Variants in CUL2 observed in about 807,000 individuals in gnomAD.
CUL2 encodes cullin 2.
Under a neutral mutation model 110.2 loss-of-function variants are expected in CUL2, and 22 were observed. The ratio of observed to expected loss-of-function variants is 0.20; its 90% CI spans 0.14 to 0.28. The LOEUF (loss-of-function observed/expected upper bound fraction) is 0.28, where lower values mean the gene tolerates loss of function less well. CUL2 is among the 10% of genes least tolerant of loss of function. The probability of loss-of-function intolerance (pLI) is 1.00; values close to 1 mark genes in which losing one functional copy is unlikely to be tolerated. For synonymous variants in CUL2, 279 were observed against 293.2 expected (o/e 0.95, Z 0.49); for missense variants, 631 against 905.5 (o/e 0.70, Z 3.89).
At chr10:35,019,926 G>A (rs1433398695) in intron 17 of CUL2, among the ~76,000 whole-genome samples, 1 of 152,182 alleles carries the variant, frequency 6.6e-6, no homozygotes, top group East Asian at 1.9e-4. Context: ...TAAGCTAACT[G>A]AAGAGGGGAA....
chr10:35,056,971 C>T (rs1025970674), intron 4 of CUL2, among the ~76,000 whole-genome samples: 1 of 152,188 alleles, frequency 6.6e-6, no homozygotes, highest in African/African-American at 2.4e-5. Flanking sequence ...CCCTCTGCCC[C>T]GATTATGTGG....
chr10:35,119,727 T>C (rs1167663989), intron 1 of CUL2, among the ~76,000 whole-genome samples: 2 of 151,962 alleles, frequency 1.3e-5, no homozygotes, highest in African/African-American at 2.4e-5. Context: ...TGCTACCACA[T>C]CTGGCTCATT....
In CUL2 at chr10:35,033,139, T is replaced by A. The variant is rs559992086; in HGVS notation, c.1110+27A>T. On this transcript the variant is annotated intron_variant, in intron 11 of 20. Transcript: ENST00000374749. ...AGAATGATAGAGTTTTATGTACATA[T>A]ATAGTATATATGTATTTAAAACTTA... 4.3e-6 allele frequency: 6 copies of A among 1,394,530 alleles called. No individual in the cohort carries two copies. In the East Asian group the frequency reaches 1.2e-4, roughly 27 times the overall value. 86.4% of individuals were successfully genotyped at this position (1,394,530 alleles called of 1,614,324 possible).
At chr10:35,078,295 A>T (rs2086870396) in intron 1 of CUL2, among the ~76,000 whole-genome samples, 3 of 142,222 alleles carry the variant, frequency 2.1e-5, no homozygotes, top group South Asian at 2.2e-4. Flanking sequence ...GATCAGGTGA[A>T]TTTTTTTTTT....
At chr10:35,096,636 G>A (rs1180756777) in intron 2 of CUL2, among the ~76,000 whole-genome samples, 1 of 151,902 alleles carries the variant, frequency 6.6e-6, no homozygotes, top group Non-Finnish European at 1.5e-5. Context: ...AAACAAAACT[G>A]TATAGGTTAA....
chr10:35,028,926 T>A, intron 15 of CUL2, 39 bp from the exon 16 acceptor site: 1 of 1,200,076 alleles, frequency 8.3e-7, no homozygotes, highest in Non-Finnish European at 1.2e-6. Context: ...GCTAAATGGA[T>A]CAACATCTAA....
chr10:35,089,407 C>T (rs1015920682), intron 1 of CUL2, among the ~76,000 whole-genome samples: 2 of 152,180 alleles, frequency 1.3e-5, no homozygotes, highest in Admixed American at 6.5e-5. Flanking sequence ...TACTTTACTA[C>T]GAAGGTAGGC....
At chr10:35,034,486 G>T (rs116493330) in intron 10 of CUL2, among the ~76,000 whole-genome samples, 1 of 152,130 alleles carries the variant, frequency 6.6e-6, no homozygotes, top group African/African-American at 2.4e-5. Context: ...GAACAGTGAC[G>T]TCTATACACA....
chr10:35,117,976 GCCTC>G (rs2087629501), intron 1 of CUL2, among the ~76,000 whole-genome samples: 1 of 152,124 alleles, frequency 6.6e-6, no homozygotes, highest in African/African-American at 2.4e-5. Context: ...TATATGCACA[GCCTC>G]CCTATCAACA....
intron 19 of CUL2, 142 bp downstream of exon 19, chr10:35,013,557 A>G (rs1346651061): frequency 5.4e-6 from 3 of 556,830 alleles, no homozygotes; most frequent in Non-Finnish European, 9.3e-6. Context: ...AGGTTAATAA[A>G]TGCCAACAAC....
At chr10:35,099,195 A>G (rs1162650708) in intron 2 of CUL2, among the ~76,000 whole-genome samples, 1 of 151,938 alleles carries the variant, frequency 6.6e-6, no homozygotes, top group Non-Finnish European at 1.5e-5. Context: ...GATCCAGACC[A>G]TCCTGGCCAA....
chr10:35,061,101 C>T (rs2086369306), intron 3 of CUL2, 133 bp from the exon 4 acceptor site: 2 of 933,718 alleles, frequency 2.1e-6, no homozygotes, highest in South Asian at 3.6e-5. Flanking sequence ...TTACACAACA[C>T]ATATTAACTA....
chr10:35,108,403 G>A (rs776673989), intron 1 of CUL2, among the ~76,000 whole-genome samples: 36 of 150,452 alleles, frequency 2.4e-4, no homozygotes, highest in African/African-American at 8.8e-4. Context: ...GCTGCAGTGA[G>A]CCAAGATCAC....
chr10:35,035,694 A>G (rs1191279310), intron 9 of CUL2, among the ~76,000 whole-genome samples: 1 of 152,174 alleles, frequency 6.6e-6, no homozygotes, highest in Non-Finnish European at 1.5e-5. Flanking sequence ...TTAACAACTG[A>G]TGGAAATTTA....
upstream of CUL2, among the ~76,000 whole-genome samples, chr10:35,090,999 T>C (rs2087195699): frequency 1.3e-5 from 2 of 152,246 alleles, no homozygotes; most frequent in African/African-American, 4.8e-5. Context: ...TTGTTAGTTT[T>C]TATCTACAGA....
Position 35,025,178 on chromosome 10 carries a change from T to C in CUL2, c.1638A>G (p.Gln546=), listed in dbSNP as rs778278597. The change falls in exon 17 of 21, where the codon CAA becomes CAG. Residue 546 remains glutamine, a synonymous_variant. Transcript: ENST00000374749. ...ATGTAAGTTTCCTTCCACTGAAATG[T>C]TGGCTATAAAATAATTCAAACTGTA... ...SVQMFELFYS[Q]HFSGRKLTWL... 4 of 1,575,268 alleles carry C rather than the reference T, an allele frequency of 2.5e-6. No individual in the cohort carries two copies. The highest frequency in any genetic ancestry group is 2.4e-5 in the South Asian group (2 of 83,018).
intron 4 of CUL2, among the ~76,000 whole-genome samples, chr10:35,060,232 C>T (rs1241959589): frequency 6.6e-6 from 1 of 151,910 alleles, no homozygotes; most frequent in Non-Finnish European, 1.5e-5. Context: ...CATGCAACTA[C>T]ACTGCAGCCT....
chr10:35,125,237 G>T (rs1019355652), intron 1 of CUL2, among the ~76,000 whole-genome samples: 3 of 152,186 alleles, frequency 2.0e-5, no homozygotes, highest in African/African-American at 7.2e-5. Context: ...TGATGGGCTT[G>T]TAAGTATGTG....
rs1272970644 is a variant in CUL2 at position 35,037,130 on chromosome 10, T to C, written c.877+1790A>G. ...TATGAAGATATTCTTCTATATTATC[T>C]TCTAGAAGTGTTATTTTTTTACCTT... On this transcript the variant is annotated intron_variant, in intron 9 of 20. Coordinates refer to ENST00000374749, the MANE Select transcript of CUL2 (RefSeq NM_003591.4). Among the ~76,000 whole-genome samples, 7 of 152,366 alleles carry C rather than the reference T, an allele frequency of 4.6e-5. No homozygotes were observed. The East Asian group carries it at 1.2e-3, about 25-fold the overall frequency.
Sources: gnomAD v4.1 joint callset for allele counts (sites outside exome capture counted in the v4.1 genomes callset) on GRCh38, gnomAD v4.1.1 for gene constraint, MANE v1.5 for transcripts, NCBI Gene and HGNC (gene_info 2026-07-23, HGNC 2026-07-21) for gene names.